Variants in PKHD1L1 observed in about 807,000 individuals in gnomAD.
PKHD1L1 encodes PKHD1 like 1.
In PKHD1L1, 434 loss-of-function variants were observed where a neutral mutation model predicts 462.9. That is an observed-to-expected ratio of 0.94 (90% CI 0.87 to 1.02). The LOEUF is 1.02. Ranked by LOEUF, PKHD1L1 falls within the 50% of genes least tolerant of loss-of-function variation. The pLI is 0.00. For synonymous variants in PKHD1L1, 1,781 were observed against 1,750.0 expected (o/e 1.02, Z -0.44); for missense variants, 5,202 against 5,096.1 (o/e 1.02, Z -0.63).
At position 109,454,262 on chromosome 8, in the gene PKHD1L1, T is replaced by A. The variant is rs777422174; in HGVS notation, c.6744+16T>A. 1.3e-6 allele frequency: 2 copies of A among 1,543,538 alleles called. No homozygotes were observed. The highest frequency in any genetic ancestry group is 4.5e-5 in the East Asian group (2 of 44,054). On this transcript the variant is annotated intron_variant, in intron 44 of 77. Coordinates refer to ENST00000378402, the MANE Select transcript of PKHD1L1 (RefSeq NM_177531.6). ...TGTTCTTCAGGTATTCAAAAGAACATAATACATATTCATTTCCAACCTGTC... is the reference window on the plus strand; with the variant it reads ...TGTTCTTCAGGTATTCAAAAGAACAAAATACATATTCATTTCCAACCTGTC...
At chr8:109,382,425 G>A (rs1277261897) in intron 3 of PKHD1L1, 38 bp from the exon 4 acceptor site, 3 of 1,510,708 alleles carry the variant, frequency 2.0e-6, no homozygotes, top group East Asian at 2.4e-5. Flanking sequence ...AATAAGAGAG[G>A]AATTGCATGT....
At chr8:109,368,880 T>A (rs1188527292) in intron 2 of PKHD1L1, among the ~76,000 whole-genome samples, 1 of 152,200 alleles carries the variant, frequency 6.6e-6, no homozygotes, top group Non-Finnish European at 1.5e-5. Flanking sequence ...AGCCTCATCC[T>A]TTTCCATTTC....
chr8:109,384,120 A>G lies in PKHD1L1; in HGVS notation c.468A>G (p.Gly156=). The G allele has an allele frequency of 6.2e-7, 1 of 1,610,010 alleles. No homozygotes were observed. The highest frequency in any genetic ancestry group is 1.1e-5 in the South Asian group (1 of 90,854). ...PTIRSITPLS[G]TPGTLITIQG... is the part of the protein sequence containing the mutation. ...TAAGAAGCATCACACCTTTATCTGG[A>G]ACTCCAGGTCTGTTATATGACATCT... The change falls in exon 5 of 78, where the codon GGA becomes GGG. Residue 156 remains glycine (G), a synonymous_variant. Coordinates refer to ENST00000378402, the MANE Select transcript of PKHD1L1 (RefSeq NM_177531.6).
At chr8:109,470,914 A>G in intron 50 of PKHD1L1, 1 of 1,588,292 alleles carries the variant, frequency 6.3e-7, no homozygotes, top group Non-Finnish European at 8.6e-7. Context: ...AAGCCTGGGG[A>G]GAGAGAAATG....
intron 6 of PKHD1L1, among the ~76,000 whole-genome samples, chr8:109,386,941 C>T (rs892527314): frequency 2.6e-5 from 4 of 152,088 alleles, no homozygotes; most frequent in South Asian, 2.1e-4. Flanking sequence ...CATTAGAGGT[C>T]GGGCTACCTA....
chr8:109,436,320 T>C lies in PKHD1L1; in HGVS notation c.3506-18T>C. The C allele has an allele frequency of 6.3e-7, 1 of 1,597,798 alleles. No individual in the cohort carries two copies. ...TTGAACTGTTTTGTTGTTGTTTTTGTTTGCTTTTCTTATGAAGGTGGTACT... is the reference window on the plus strand; with the variant it reads ...TTGAACTGTTTTGTTGTTGTTTTTGCTTGCTTTTCTTATGAAGGTGGTACT... On this transcript the variant is annotated intron_variant, in intron 29 of 77. Coordinates refer to ENST00000378402, the MANE Select transcript of PKHD1L1 (RefSeq NM_177531.6).
intron 32 of PKHD1L1, 64 bp from the exon 33 acceptor site, chr8:109,440,646 C>T: frequency 6.9e-7 from 1 of 1,458,786 alleles, no homozygotes; most frequent in Non-Finnish European, 9.4e-7. Flanking sequence ...CATATCCTAG[C>T]AAGAGTTTAG....
Position 109,451,029 on chromosome 8 carries a change from C to A in PKHD1L1, c.6230C>A (p.Ser2077Ter). The A allele has an allele frequency of 1.9e-6, 3 of 1,613,654 alleles. No individual in the cohort carries two copies. Among genetic ancestry groups the A allele is most frequent in the Non-Finnish European group, 2.5e-6 (3 of 1,179,636 alleles). The change falls in exon 41 of 78, where the codon TCA (serine) becomes TAA (stop). Residue 2077 changes from serine (S) to a stop codon, truncating the protein, a stop_gained. Coordinates refer to ENST00000378402, the MANE Select transcript of PKHD1L1 (RefSeq NM_177531.6). LOFTEE classifies it high-confidence loss of function. Reference protein sequence around the residue: ...EVSVVNGKDLSQSMTPFTYAV... With the variant: ...EVSVVNGKDL ...AGTGTGGTTAATGGGAAAGATTTGT[C>A]ACAGTCCATGACTCCGTTTACGTAC...
intron 63 of PKHD1L1, 46 bp from the exon 64 acceptor site, chr8:109,496,873 A>G: frequency 6.5e-7 from 1 of 1,539,272 alleles, no homozygotes; most frequent in Non-Finnish European, 8.8e-7. Context: ...AAACTATATG[A>G]CATGAAATGT....
intron 71 of PKHD1L1, 89 bp from the exon 72 acceptor site, chr8:109,515,081 G>C: frequency 9.4e-7 from 1 of 1,061,666 alleles, no homozygotes; most frequent in Non-Finnish European, 1.3e-6. Context: ...ATAGTTTGCA[G>C]AAAGTATACA....
intron 71 of PKHD1L1, among the ~76,000 whole-genome samples, 178 bp from the exon 72 acceptor site, chr8:109,514,992 T>C (rs1820190045): frequency 6.6e-6 from 1 of 152,118 alleles, no homozygotes; most frequent in East Asian, 1.9e-4. Flanking sequence ...AGTTGTACTA[T>C]CTGTATGAAT....
intron 19 of PKHD1L1, among the ~76,000 whole-genome samples, chr8:109,410,894 A>G (rs1439041841): frequency 6.6e-6 from 1 of 150,648 alleles, no homozygotes. Context: ...ATGCCTGGCT[A>G]ATTTTTGTAT....
intron 68 of PKHD1L1, among the ~76,000 whole-genome samples, chr8:109,504,963 T>A (rs1041244460): frequency 1.3e-5 from 2 of 152,020 alleles, no homozygotes; most frequent in Non-Finnish European, 1.5e-5. Context: ...AGCCTCAAAC[T>A]CTTGAGTTCA....
chr8:109,404,790 T>A, intron 15 of PKHD1L1, 77 bp downstream of exon 15: 3 of 1,368,274 alleles, frequency 2.2e-6, no homozygotes, highest in Non-Finnish European at 2.0e-6. Context: ...TTAATTTTAC[T>A]AGGTAAGATA....
At position 109,531,502 on chromosome 8, in the gene PKHD1L1, A is replaced by T. The variant is rs1162004216; in HGVS notation, c.*1412A>T. On this transcript the variant is annotated 3_prime_UTR_variant, in exon 78 of 78. Transcript: ENST00000378402. ...GAGAGGGAGGGGGAGAGAGAGATAGATAGAGAGAGAGAGAAAGCATGAGGT... is the reference window on the plus strand; with the variant it reads ...GAGAGGGAGGGGGAGAGAGAGATAGTTAGAGAGAGAGAGAAAGCATGAGGT... 2.6e-5 allele frequency among the ~76,000 whole-genome samples: 4 copies of T among 151,884 alleles called. No homozygotes were observed. Among genetic ancestry groups the T allele is most frequent in the Admixed American group, 2.6e-4 (4 of 15,244 alleles).
At chr8:109,431,204 G>C (rs1321968841) in intron 27 of PKHD1L1, among the ~76,000 whole-genome samples, 1 of 151,988 alleles carries the variant, frequency 6.6e-6, no homozygotes, top group African/African-American at 2.4e-5. Flanking sequence ...ACTTTTACAT[G>C]CACTTCCTGA....
chr8:109,476,875 C>A (rs557217797), intron 52 of PKHD1L1, among the ~76,000 whole-genome samples: 1 of 152,190 alleles, frequency 6.6e-6, no homozygotes, highest in East Asian at 1.9e-4. Context: ...GAAGGTGACA[C>A]CAGCATGCTT....
chr8:109,482,936 C>A, intron 56 of PKHD1L1, 51 bp from the exon 57 acceptor site: 1 of 1,113,864 alleles, frequency 9.0e-7, no homozygotes, highest in South Asian at 1.8e-5. Flanking sequence ...ATACTAGCAC[C>A]TAACTCAGTA....
chr8:109,454,124 A>C, intron 43 of PKHD1L1, 43 bp from the exon 44 acceptor site: 1 of 1,304,004 alleles, frequency 7.7e-7, no homozygotes, highest in Non-Finnish European at 1.1e-6. Flanking sequence ...ACTTTTAACA[A>C]GATTTTTCCT....
Sources: allele counts gnomAD v4.1 joint callset (sites outside exome capture counted in the v4.1 genomes callset), GRCh38; gene constraint gnomAD v4.1.1; transcripts MANE v1.5; gene names NCBI Gene and HGNC (gene_info 2026-07-23, HGNC 2026-07-21).